Variants in SRP9 observed in about 807,000 individuals in gnomAD.
The protein encoded by SRP9 is signal recognition particle 9.
In SRP9, 2 loss-of-function variants were observed where a neutral mutation model predicts 11.7. That is an observed-to-expected ratio of 0.17 (90% CI 0.07 to 0.54). The LOEUF is 0.54. Among genes scored for constraint, SRP9 ranks in the 20% least tolerant of loss-of-function variants. SRP9 has a pLI of 0.94. For synonymous variants in SRP9, 27 were observed against 35.6 expected (o/e 0.76, Z 0.86); for missense variants, 54 against 108.1 (o/e 0.50, Z 2.22).
Position 225,790,159 on chromosome 1 carries a change from A to G in SRP9, c.*800A>G, listed in dbSNP as rs1665999200. ...GGCTATGGATTAGTTTGAACTGTCA[A>G]ATCCTTGCATACTTCTGTGACACCC... On this transcript the variant is annotated 3_prime_UTR_variant, in exon 3 of 3. Transcript: ENST00000304786. 1.3e-5 allele frequency: 2 copies of G among 152,194 alleles called. No homozygotes were observed. The highest frequency in any genetic ancestry group is 2.9e-5 in the Non-Finnish European group (2 of 68,024). 9.4% of individuals were successfully genotyped at this position (152,194 alleles called of 1,614,324 possible). A position where few individuals can be genotyped will look rare whatever the true frequency, so the allele number is the denominator to read the frequency against.
chr1:225,787,035 G>A, intron 2 of SRP9: 1 of 322,948 alleles, frequency 3.1e-6, no homozygotes, highest in South Asian at 2.4e-5. Context: ...GTCAAGACAG[G>A]GTCTCATTAT....
chr1:225,782,378 A>T (rs1362349407), intron 1 of SRP9, among the ~76,000 whole-genome samples: 1 of 151,880 alleles, frequency 6.6e-6, no homozygotes, highest in African/African-American at 2.4e-5. Context: ...GTTAGCCAGG[A>T]TGGTCTCAAT....
chr1:225,785,660 G>A (rs1197180535), intron 2 of SRP9, among the ~76,000 whole-genome samples: 3 of 150,756 alleles, frequency 2.0e-5, no homozygotes, highest in Non-Finnish European at 4.4e-5. Context: ...GATTATAGGC[G>A]TGAGCCACTG....
In SRP9 at chr1:225,783,351, G is replaced by A. The variant is rs985448224; in HGVS notation, c.124G>A (p.Val42Ile). Residue 42 changes from valine to isoleucine, a missense_variant, in exon 2 of 3, where the codon GTA (valine) becomes ATA (isoleucine). Transcript: ENST00000304786. Reference protein sequence around the residue: ...RHSDGNLCVKVTDDLVCLVYK... With the variant: ...RHSDGNLCVKITDDLVCLVYK... ...TTCTGATGGGAACTTGTGTGTTAAA[G>A]TAACAGATGATTTAGTTGTAAGTAT... 12 of 1,611,850 alleles carry A rather than the reference G, an allele frequency of 7.4e-6. No homozygotes were observed. Among genetic ancestry groups the A allele is most frequent in the Non-Finnish European group, 9.3e-6 (11 of 1,178,584 alleles).
At chr1:225,780,008 A>G (rs577955755) in intron 1 of SRP9, among the ~76,000 whole-genome samples, 24 of 152,296 alleles carry the variant, frequency 1.6e-4, no homozygotes, top group Non-Finnish European at 4.4e-5. Flanking sequence ...TAGAATAGAC[A>G]AGAAAGAGAA....
rs67816765 is a variant in SRP9, at chr1:225,780,178, ATTTTTTTTTTTTTTTT to A, written c.72+2177_72+2192del. On this transcript the variant is annotated intron_variant, in intron 1 of 2. Transcript: ENST00000304786. ...ACAGACATGCCACCATGCCTGCCTA[ATTTTTTTTTTTTTTTT>A]TTTTTTTTTTAAAGACGGGGCTCTT... Among the ~76,000 whole-genome samples, 516 of 130,172 alleles carry A rather than the reference ATTTTTTTTTTTTTTTT, an allele frequency of 4.0e-3. 4 individuals carry two copies. Among genetic ancestry groups the A allele is most frequent in the African/African-American group, 0.014 (487 of 34,194 alleles). 85.4% of individuals were successfully genotyped at this position (130,172 alleles called of 152,430 possible). A position where few individuals can be genotyped will look rare whatever the true frequency, so the allele number is the denominator to read the frequency against.
chr1:225,781,619 C>T (rs971745436), intron 1 of SRP9, among the ~76,000 whole-genome samples: 5 of 151,908 alleles, frequency 3.3e-5, no homozygotes, highest in African/African-American at 1.2e-4. Flanking sequence ...AGACTGGTCT[C>T]GAACTCCTGA....
chr1:225,787,028 A>T, intron 2 of SRP9: 1 of 330,416 alleles, frequency 3.0e-6, no homozygotes, highest in Non-Finnish European at 5.9e-6. Flanking sequence ...TTTTTTTGTC[A>T]AGACAGGGTC....
At chr1:225,781,718 T>C (rs1665804716) in intron 1 of SRP9, among the ~76,000 whole-genome samples, 1 of 152,178 alleles carries the variant, frequency 6.6e-6, no homozygotes, top group African/African-American at 2.4e-5. Context: ...TTAACTCTCA[T>C]TTCTCCTAAA....
At chr1:225,784,229 CTTTTTTTTTTTTTTTTT>C (rs561503475) in intron 2 of SRP9, among the ~76,000 whole-genome samples, 28 of 34,462 alleles carry the variant, frequency 8.1e-4, no homozygotes, top group African/African-American at 2.7e-3. Flanking sequence ...ATCACCTGTT[CTTTTTTTTTTTTTTTTT>C]TTTTTTTTTT....
At chr1:225,787,808 A>G (rs1665947661) in intron 2 of SRP9, among the ~76,000 whole-genome samples, 1 of 152,194 alleles carries the variant, frequency 6.6e-6, no homozygotes, top group African/African-American at 2.4e-5. Flanking sequence ...AATTTTGATG[A>G]TGAAGATTAA....
intron 2 of SRP9, chr1:225,786,807 A>G: frequency 7.9e-7 from 1 of 1,259,016 alleles, no homozygotes; most frequent in Non-Finnish European, 1.0e-6. Flanking sequence ...TAGATTGAGT[A>G]CATGTATTCT....
In SRP9 at chr1:225,777,939, C is replaced by T; in HGVS notation, c.-2C>T. On this transcript the variant is annotated 5_prime_UTR_variant, in exon 1 of 3. It adds an upstream start codon to the 5' untranslated region. Transcript: ENST00000304786. ...CTCTTTACTTTTCCACTCTAGGCCA[C>T]GATGCCGCAGTACCAGACCTGGGAG... The T allele has an allele frequency of 6.2e-7, 1 of 1,613,676 alleles. No individual in the cohort carries two copies. The highest frequency in any genetic ancestry group is 8.5e-7 in the Non-Finnish European group (1 of 1,179,590).
chr1:225,778,163 C>T (rs1031469538), intron 1 of SRP9, 151 bp downstream of exon 1: 7 of 888,902 alleles, frequency 7.9e-6, no homozygotes, highest in African/African-American at 6.8e-5. Context: ...CTCTCTCGTC[C>T]CCTTCTTCCC....
chr1:225,783,805 T>G (rs1313194391), intron 2 of SRP9, among the ~76,000 whole-genome samples: 2 of 152,242 alleles, frequency 1.3e-5, no homozygotes, highest in Non-Finnish European at 2.9e-5. Context: ...GAAACTGCTC[T>G]TTGTGAGAGC....
rs1408330135 is a variant in SRP9, at chr1:225,789,231, T to G, written c.142-9T>G. 2 of 1,610,320 alleles carry G rather than the reference T, an allele frequency of 1.2e-6. No individual in the cohort carries two copies. The highest frequency in any genetic ancestry group is 2.7e-5 in the African/African-American group (2 of 74,626). ...TATAGTTAATATGTACTTCTAAAAT[T>G]TCTGACAGTGTTTGGTGTATAAAAC... On this transcript the variant is annotated splice_polypyrimidine_tract_variant and intron_variant, in intron 2 of 2. Coordinates refer to ENST00000304786, the MANE Select transcript of SRP9 (RefSeq NM_003133.6).
At position 225,787,395 on chromosome 1, in the gene SRP9, G is replaced by A. The variant is rs1366081625; in HGVS notation, c.142-1845G>A. On this transcript the variant is annotated intron_variant, in intron 2 of 2. Transcript: ENST00000304786. ...TAAAAATACAAATATTAGCATGGTG[G>A]TGGGTGCCTGTAATCTCAGCTACTT... 4.6e-5 allele frequency among the ~76,000 whole-genome samples: 7 copies of A among 152,068 alleles called. 1 individual carries two copies. Among genetic ancestry groups the A allele is most frequent in the East Asian group, 3.9e-4 (2 of 5,190 alleles).
chr1:225,783,266 C>T, intron 1 of SRP9, 34 bp from the exon 2 acceptor site: 3 of 1,525,262 alleles, frequency 2.0e-6, no homozygotes, highest in South Asian at 2.3e-5. Flanking sequence ...TGTCATTTGT[C>T]TTCACTGTTT....
At chr1:225,782,558 A>G (rs1665821547) in intron 1 of SRP9, among the ~76,000 whole-genome samples, 2 of 152,130 alleles carry the variant, frequency 1.3e-5, no homozygotes, top group African/African-American at 2.4e-5. Context: ...TCCATCACTG[A>G]AAAAAAATAA....
Sources: gnomAD v4.1 joint callset for allele counts (sites outside exome capture counted in the v4.1 genomes callset) on GRCh38, gnomAD v4.1.1 for gene constraint, MANE v1.5 for transcripts, NCBI Gene and HGNC (gene_info 2026-07-23, HGNC 2026-07-21) for gene names.